The following DLG2 variants were observed in gnomAD, a reference collection of about 807,000 sequenced individuals.
The protein encoded by DLG2 is discs large MAGUK scaffold protein 2.
Under a neutral mutation model 132.5 loss-of-function variants are expected in DLG2, and 45 were observed. That is an observed-to-expected ratio of 0.34 (90% confidence interval 0.27 to 0.44). The LOEUF is 0.44. Ranked by LOEUF, DLG2 falls within the 20% of genes least tolerant of loss-of-function variation. The pLI, the probability that DLG2 is intolerant of heterozygous loss-of-function variation, is 1.00. For missense variants in DLG2, 1,045 were observed against 1,196.9 expected (o/e 0.87, Z 1.87); for synonymous variants, 424 against 419.6 (o/e 1.01, Z -0.13).
At chr11:84,306,495 T>G (rs2098220280) in intron 7 of DLG2, among the ~76,000 whole-genome samples, 1 of 152,190 alleles carries the variant, frequency 6.6e-6, no homozygotes, top group African/African-American at 2.4e-5. Context: ...CAGAACAAAG[T>G]GTAATGGTCC....
intron 14 of DLG2, among the ~76,000 whole-genome samples, chr11:83,937,325 G>A (rs984906586): frequency 6.6e-6 from 1 of 151,830 alleles, no homozygotes; most frequent in African/African-American, 2.4e-5. Flanking sequence ...GGCTACCACG[G>A]TGAAACCCAG....
intron 3 of DLG2, among the ~76,000 whole-genome samples, chr11:85,522,799 A>G (rs1220897584): frequency 1.3e-5 from 2 of 152,192 alleles, no homozygotes; most frequent in Non-Finnish European, 2.9e-5. Flanking sequence ...GATTTACCCA[A>G]TGCCTGTACC....
At chr11:84,980,132 G>C (rs1032608332) in intron 6 of DLG2, among the ~76,000 whole-genome samples, 7 of 152,104 alleles carry the variant, frequency 4.6e-5, no homozygotes, top group Non-Finnish European at 8.8e-5. Flanking sequence ...GCATACCATC[G>C]TGTCAAGTAG....
intron 7 of DLG2, among the ~76,000 whole-genome samples, chr11:84,456,402 T>C (rs1380516829): frequency 1.3e-5 from 2 of 151,320 alleles, no homozygotes; most frequent in Non-Finnish European, 3.0e-5. Context: ...TAAATAACAT[T>C]AATTAATTAT....
chr11:84,470,435 T>A (rs985772530), intron 7 of DLG2, among the ~76,000 whole-genome samples: 1 of 151,736 alleles, frequency 6.6e-6, no homozygotes, highest in Admixed American at 6.6e-5. Context: ...TCCTGTTGTC[T>A]AGGGGTTCGT....
chr11:84,011,976 A>G (rs1362889951), intron 11 of DLG2, among the ~76,000 whole-genome samples: 2 of 152,124 alleles, frequency 1.3e-5, no homozygotes, highest in African/African-American at 4.8e-5. Context: ...CCTTCAATCA[A>G]TTGGATTTTG....
At chr11:85,496,773 C>T (rs149003936) in intron 3 of DLG2, among the ~76,000 whole-genome samples, 145 of 152,248 alleles carry the variant, frequency 9.5e-4, no homozygotes, top group African/African-American at 3.3e-3. Context: ...ACCAGTGATA[C>T]CCAGGCAAAC....
At chr11:85,311,640 T>C (rs940371099) in intron 3 of DLG2, among the ~76,000 whole-genome samples, 6 of 152,140 alleles carry the variant, frequency 3.9e-5, no homozygotes, top group African/African-American at 1.2e-4. Flanking sequence ...TTGTCTACAG[T>C]TTGAAATGAA....
chr11:84,549,516 C>T (rs188984790), intron 6 of DLG2, among the ~76,000 whole-genome samples: 3 of 152,296 alleles, frequency 2.0e-5, no homozygotes, highest in Admixed American at 2.0e-4. Flanking sequence ...TCAAGCGATG[C>T]AAATTCCCTG....
At chr11:84,599,055 G>C (rs983499941) in intron 6 of DLG2, among the ~76,000 whole-genome samples, 1 of 151,826 alleles carries the variant, frequency 6.6e-6, no homozygotes, top group Non-Finnish European at 1.5e-5. Context: ...GACCAGCCTG[G>C]ACAACATGGT....
intron 12 of DLG2, among the ~76,000 whole-genome samples, chr11:83,976,802 G>A (rs746499762): frequency 2.0e-5 from 3 of 151,654 alleles, no homozygotes; most frequent in South Asian, 4.2e-4. Context: ...AGCTATTTTC[G>A]AAATCATTTT....
At chr11:83,789,359 G>A (rs953767944) in intron 17 of DLG2, among the ~76,000 whole-genome samples, 1 of 124,258 alleles carries the variant, frequency 8.0e-6, no homozygotes, top group African/African-American at 3.0e-5. Flanking sequence ...ACAGTGGATA[G>A]CAGCAAAGGA....
intron 3 of DLG2, among the ~76,000 whole-genome samples, chr11:85,546,507 T>A (rs2076332961): frequency 6.6e-6 from 1 of 152,178 alleles, no homozygotes; most frequent in African/African-American, 2.4e-5. Context: ...GTCTATTAGG[T>A]CTGCTTGGTC....
chr11:84,389,202 T>A (rs1032946109), intron 7 of DLG2, among the ~76,000 whole-genome samples: 4 of 152,140 alleles, frequency 2.6e-5, no homozygotes, highest in Non-Finnish European at 5.9e-5. Flanking sequence ...ATTGTATTTA[T>A]TATGTTGTTG....
intron 3 of DLG2, among the ~76,000 whole-genome samples, chr11:85,324,902 C>A (rs908656943): frequency 5.8e-4 from 86 of 148,264 alleles, no homozygotes; most frequent in African/African-American, 2.1e-3. Context: ...TGGGCGCAGG[C>A]CAGTGTGTGT....
At position 85,104,941 on chromosome 11, in the gene DLG2, C is replaced by T. The variant is rs540598612; in HGVS notation, c.357+6720G>A. On this transcript the variant is annotated intron_variant, in intron 6 of 27. Transcript: ENST00000376104. ...GAAAGAGGTGGGTGAATATTGAGGTCCACAAATCAGTCAAGTTGAATAAAG... is the reference window on the plus strand; with the variant it reads ...GAAAGAGGTGGGTGAATATTGAGGTTCACAAATCAGTCAAGTTGAATAAAG... Among the ~76,000 whole-genome samples the T allele has an allele frequency of 9.1e-5, 13 of 143,620 alleles. No individual in the cohort carries two copies. The South Asian group carries it at 2.9e-3, about 32-fold the overall frequency. The allele number at this position is 143,620 out of a possible 152,430, so 94.2% of individuals were successfully genotyped here.
intron 21 of DLG2, among the ~76,000 whole-genome samples, chr11:83,520,177 T>C (rs528014988): frequency 3.9e-5 from 6 of 152,326 alleles, no homozygotes; most frequent in Non-Finnish European, 5.9e-5. Context: ...TGCAAACTTT[T>C]TACTTCTTTT....
chr11:84,021,696 G>A (rs576067198), intron 11 of DLG2, among the ~76,000 whole-genome samples: 11 of 151,940 alleles, frequency 7.2e-5, no homozygotes, highest in South Asian at 4.2e-4. Flanking sequence ...ACATATTAGC[G>A]AATTTTTTAA....
intron 21 of DLG2, among the ~76,000 whole-genome samples, chr11:83,513,463 T>C (rs1256729103): frequency 6.6e-6 from 1 of 152,246 alleles, no homozygotes; most frequent in East Asian, 1.9e-4. Flanking sequence ...AAATATTTTC[T>C]CCCATTCTGT....
Sources: gnomAD v4.1 joint callset for allele counts (sites outside exome capture counted in the v4.1 genomes callset) on GRCh38, gnomAD v4.1.1 for gene constraint, MANE v1.5 for transcripts, NCBI Gene and HGNC (gene_info 2026-07-23, HGNC 2026-07-21) for gene names.